BCL7A: variants seen among roughly 807,000 people sequenced by gnomAD.
BCL7A encodes the protein B-cell CLL/lymphoma 7 protein family member A.
Under a neutral mutation model 28.4 loss-of-function variants are expected in BCL7A, and 11 were observed. The observed-to-expected ratio is 0.39, with a 90% CI of 0.24 to 0.64. The LOEUF (loss-of-function observed/expected upper bound fraction) is 0.64, where lower values mean the gene tolerates loss of function less well. BCL7A is among the 30% of genes least tolerant of loss of function. The pLI, the probability that BCL7A is intolerant of heterozygous loss-of-function variation, is 0.50. For synonymous variants in BCL7A, 123 were observed against 103.3 expected (o/e 1.19, Z -1.15); for missense variants, 222 against 274.8 (o/e 0.81, Z 1.36).
At chr12:122,038,274 A>T (rs1373083820) in intron 3 of BCL7A, among the ~76,000 whole-genome samples, 1 of 145,132 alleles carries the variant, frequency 6.9e-6, no homozygotes, top group Non-Finnish European at 1.5e-5. Context: ...TCTACTAAAA[A>T]TATAAAAATT....
chr12:122,052,607 C>T (rs527824769), intron 4 of BCL7A, among the ~76,000 whole-genome samples: 5 of 152,238 alleles, frequency 3.3e-5, no homozygotes, highest in African/African-American at 4.8e-5. Flanking sequence ...GAATCATATA[C>T]TCTGTGGCCT....
chr12:122,026,266 CAAAAAAAA>C (rs78577517), intron 1 of BCL7A, among the ~76,000 whole-genome samples: 1 of 49,466 alleles, frequency 2.0e-5, no homozygotes, highest in Non-Finnish European at 4.4e-5. Context: ...GACTCCGTCT[CAAAAAAAA>C]AAAAAAAAAA....
chr12:122,052,140 G>A (rs1884204620), intron 4 of BCL7A, among the ~76,000 whole-genome samples: 1 of 151,900 alleles, frequency 6.6e-6, no homozygotes, highest in African/African-American at 2.4e-5. Flanking sequence ...CTCCCAAAAT[G>A]CTGGGATTAC....
chr12:122,050,299 G>GA (rs1045879492), intron 4 of BCL7A, among the ~76,000 whole-genome samples: 1 of 88,522 alleles, frequency 1.1e-5, no homozygotes, highest in African/African-American at 1.1e-4. Context: ...TCTTTATTGT[G>GA]GGGGGGGGGC....
chr12:122,028,751 G>A (rs12309801), intron 1 of BCL7A, among the ~76,000 whole-genome samples: 1 of 152,174 alleles, frequency 6.6e-6, no homozygotes, highest in South Asian at 2.1e-4. Flanking sequence ...CCCTCTTGTA[G>A]CCTGTTGGGA....
rs1218825028 is a variant in BCL7A at position 122,022,044 on chromosome 12, C to T, written c.-48C>T. 3 of 1,501,014 alleles carry T rather than the reference C, an allele frequency of 2.0e-6. No homozygotes were observed. Among genetic ancestry groups the T allele is most frequent in the Admixed American group, 2.0e-5 (1 of 49,648 alleles). The allele number at this position is 1,501,014 out of a possible 1,614,324, so 93.0% of individuals were successfully genotyped here. The stretch of plus-strand genomic sequence containing the variant: ...GAGTGTGGCCGCCGCGGAGCGCGAG[C>T]AGGACCCGGCGGGCGCGCTCCCCAG... On this transcript the variant is annotated 5_prime_UTR_variant, in exon 1 of 6. Coordinates refer to ENST00000261822, the MANE Select transcript of BCL7A (RefSeq NM_001024808.3).
At chr12:122,057,869 G>C (rs1350044277) in intron 5 of BCL7A, among the ~76,000 whole-genome samples, 1 of 152,122 alleles carries the variant, frequency 6.6e-6, no homozygotes. Flanking sequence ...GGCAGAGTGG[G>C]TCTGGGCCTC....
At chr12:122,046,704 T>A (rs978512971) in intron 4 of BCL7A, among the ~76,000 whole-genome samples, 1 of 152,140 alleles carries the variant, frequency 6.6e-6, no homozygotes, top group Non-Finnish European at 1.5e-5. Flanking sequence ...AAAACAGGAT[T>A]GATTTCTAGC....
intron 4 of BCL7A, among the ~76,000 whole-genome samples, chr12:122,046,633 A>G (rs537285430): frequency 6.6e-6 from 1 of 152,328 alleles, no homozygotes; most frequent in East Asian, 1.9e-4. Context: ...CTGGCTATAC[A>G]GAACCCTGCA....
intron 1 of BCL7A, among the ~76,000 whole-genome samples, chr12:122,026,124 G>A (rs796998869): frequency 6.3e-4 from 95 of 151,580 alleles, no homozygotes; most frequent in African/African-American, 1.9e-3. Flanking sequence ...AAAATTAGCC[G>A]GGAGTGGTGG....
At chr12:122,026,266 CAAAAAAA>C (rs78577517) in intron 1 of BCL7A, among the ~76,000 whole-genome samples, 1 of 49,466 alleles carries the variant, frequency 2.0e-5, no homozygotes, top group Non-Finnish European at 4.4e-5. Context: ...GACTCCGTCT[CAAAAAAA>C]AAAAAAAAAA....
Position 122,037,203 on chromosome 12 carries a change from C to T in BCL7A, c.271+1776C>T, listed in dbSNP as rs74681319. Among the ~76,000 whole-genome samples the T allele has an allele frequency of 1.9e-3, 287 of 152,320 alleles. 10 individuals carry two copies. The East Asian group carries it at 0.052, about 27-fold the overall frequency. On this transcript the variant is annotated intron_variant, in intron 3 of 5. Transcript: ENST00000261822. ...CGCCTCCAGGCCCACCTGGCTCACC[C>T]ACTGCCTCTTTGTCACCTGCCTGGC...
At chr12:122,035,564 C>T in intron 3 of BCL7A, 137 bp downstream of exon 3, 2 of 716,434 alleles carry the variant, frequency 2.8e-6, no homozygotes, top group South Asian at 3.7e-5. Context: ...GCCCGGCGGC[C>T]TCTGTGCCAA....
chr12:122,028,031 C>A (rs1454665357), intron 1 of BCL7A, among the ~76,000 whole-genome samples: 1 of 152,042 alleles, frequency 6.6e-6, no homozygotes, highest in Non-Finnish European at 1.5e-5. Context: ...CTGTGAAATC[C>A]CATGTCCTCC....
In BCL7A at chr12:122,035,421, A is replaced by C; in HGVS notation, c.265A>C (p.Met89Leu). 6.2e-7 allele frequency: 1 copy of C among 1,613,848 alleles called. No individual in the cohort carries two copies. Among genetic ancestry groups the C allele is most frequent in the Non-Finnish European group, 8.5e-7 (1 of 1,179,782 alleles). ...ENSSSPGMMD[M>L]HDDNSNQSSI... ...CAGTTCCTCCCCAGGGATGATGGAC[A>C]TGCATGGTGAGTGCCCATGGCCTGC... is the stretch of plus-strand genomic sequence containing the variant. The change falls in exon 3 of 6, where the codon ATG becomes CTG. Residue 89 changes from methionine to leucine, a missense_variant. Physicochemically the swap from Met to Leu is conservative, Grantham distance 15 (BLOSUM62 2). This residue lies in a region of BCL7A where 67 missense variants were observed against 129.1 expected (regional missense o/e 0.52). Transcript: ENST00000261822.
chr12:122,039,168 GT>G (rs1372253181), intron 3 of BCL7A, among the ~76,000 whole-genome samples: 38 of 151,738 alleles, frequency 2.5e-4, no homozygotes, highest in African/African-American at 9.2e-4. Context: ...GTGGTGGCTG[GT>G]GCCTGTAGTC....
chr12:122,021,911 G>T lies in BCL7A; in HGVS notation c.-181G>T, dbSNP rs1324053846. On this transcript the variant is annotated 5_prime_UTR_variant, in exon 1 of 6. Coordinates refer to ENST00000261822, the MANE Select transcript of BCL7A (RefSeq NM_001024808.3). ...ACTGGGCCAGGCGCGCGGCGGCCCC[G>T]GGCTTTGTGTGTGTGTGTATGTGTG... is the stretch of plus-strand genomic sequence containing the variant. 1 of 424,898 alleles carries T rather than the reference G, an allele frequency of 2.4e-6. No individual in the cohort carries two copies. The highest frequency in any genetic ancestry group is 4.5e-5 in the Admixed American group (1 of 22,306). The allele number at this position is 424,898 out of a possible 1,614,324, so 26.3% of individuals were successfully genotyped here. A position where few individuals can be genotyped will look rare whatever the true frequency, so the allele number is the denominator to read the frequency against.
chr12:122,040,812 T>C (rs1357049894), intron 3 of BCL7A, among the ~76,000 whole-genome samples: 2 of 152,116 alleles, frequency 1.3e-5, no homozygotes, highest in South Asian at 4.1e-4. Context: ...CCGGGCCCTT[T>C]AGTCCACAAG....
chr12:122,032,046 G>A (rs1406464530), intron 2 of BCL7A, among the ~76,000 whole-genome samples: 1 of 152,200 alleles, frequency 6.6e-6, no homozygotes, highest in African/African-American at 2.4e-5. Flanking sequence ...CCACTCCTGG[G>A]AGTGACGTAA....
Sources: allele counts gnomAD v4.1 joint callset (sites outside exome capture counted in the v4.1 genomes callset), GRCh38; gene constraint gnomAD v4.1.1; regional missense constraint gnomAD v4.1.1; transcripts MANE v1.5; gene names NCBI Gene and HGNC (gene_info 2026-07-23, HGNC 2026-07-21).